The following CCSER1 variants were observed in gnomAD, a reference collection of about 807,000 sequenced individuals.
CCSER1 encodes serine-rich coiled-coil domain-containing protein 1.
A neutral mutation model predicts 82.0 loss-of-function variants in CCSER1; 41 were observed. The ratio of observed to expected loss-of-function variants is 0.50; its 90% CI spans 0.39 to 0.65. CCSER1 has a LOEUF of 0.65. Among genes scored for constraint, CCSER1 ranks in the 30% least tolerant of loss-of-function variants. The probability of loss-of-function intolerance (pLI) is 0.00; values close to 1 mark genes in which losing one functional copy is unlikely to be tolerated. For synonymous variants in CCSER1, 414 were observed against 383.9 expected (o/e 1.08, Z -0.92); for missense variants, 1,119 against 1,064.2 (o/e 1.05, Z -0.72).
Position 91,011,898 on chromosome 4 carries a change from C to G in CCSER1, c.2173-74052C>G, listed in dbSNP as rs1739032317. 2.2e-5 allele frequency among the ~76,000 whole-genome samples: 3 copies of G among 134,458 alleles called. 1 individual carries two copies. Among genetic ancestry groups the G allele is most frequent in the African/African-American group, 7.4e-5 (3 of 40,358 alleles). 88.2% of individuals were successfully genotyped at this position (134,458 alleles called of 152,430 possible). ...TGGGCCCGGGTGGTAGGGAGCAGCA[C>G]AATAATGACTTCACTCCCTCTCAGG... On this transcript the variant is annotated intron_variant, in intron 9 of 10. Transcript: ENST00000509176.
At chr4:90,652,538 TCTGA>T (rs1190913752) in intron 6 of CCSER1, among the ~76,000 whole-genome samples, 6 of 152,236 alleles carry the variant, frequency 3.9e-5, no homozygotes, top group Middle Eastern at 3.4e-3. Context: ...TTAGGGTGTC[TCTGA>T]CTATCTTTCC....
chr4:90,189,225 C>T lies in CCSER1; in HGVS notation c.-42+61394C>T, dbSNP rs144804179. On this transcript the variant is annotated intron_variant, in intron 1 of 10. Transcript: ENST00000509176. ...AAGGTACTCATAGAAGCCCGTCAGA[C>T]CAAGGATCTGTGAAATATGGTTTTG... 2.6e-4 allele frequency among the ~76,000 whole-genome samples: 40 copies of T among 152,000 alleles called. No homozygotes were observed. The East Asian group carries it at 7.0e-3, about 26-fold the overall frequency.
At chr4:90,216,930 C>A (rs1309813115) in intron 1 of CCSER1, among the ~76,000 whole-genome samples, 1 of 152,044 alleles carries the variant, frequency 6.6e-6, no homozygotes, top group Non-Finnish European at 1.5e-5. Flanking sequence ...GGGATGTTTT[C>A]CATTTGTTTT....
At chr4:90,518,609 A>T (rs1278875686) in intron 5 of CCSER1, among the ~76,000 whole-genome samples, 1 of 151,984 alleles carries the variant, frequency 6.6e-6, no homozygotes, top group Non-Finnish European at 1.5e-5. Context: ...TACAGTGACT[A>T]TAATAAGTTC....
At chr4:91,571,466 G>C (rs1402953052) in intron 10 of CCSER1, among the ~76,000 whole-genome samples, 1 of 152,156 alleles carries the variant, frequency 6.6e-6, no homozygotes, top group Non-Finnish European at 1.5e-5. Flanking sequence ...AGTTTTACAT[G>C]GCTGGGGAGG....
chr4:91,077,947 C>T (rs1427621695), intron 9 of CCSER1, among the ~76,000 whole-genome samples: 2 of 152,360 alleles, frequency 1.3e-5, no homozygotes, highest in East Asian at 1.9e-4. Flanking sequence ...GCCAGGGAAG[C>T]TCGAACTGGG....
chr4:91,084,053 C>T (rs909095504), intron 9 of CCSER1, among the ~76,000 whole-genome samples: 7 of 152,078 alleles, frequency 4.6e-5, no homozygotes, highest in African/African-American at 1.7e-4. Context: ...GCCTCAGCCT[C>T]CCGAGTAGCT....
intron 1 of CCSER1, among the ~76,000 whole-genome samples, chr4:90,154,195 C>T (rs187196170): frequency 3.0e-4 from 46 of 151,908 alleles, no homozygotes; most frequent in Admixed American, 5.9e-4. Flanking sequence ...TTTAGATATG[C>T]GGCGTAGATT....
chr4:90,563,157 G>A (rs1778981148), intron 5 of CCSER1, among the ~76,000 whole-genome samples: 1 of 151,820 alleles, frequency 6.6e-6, no homozygotes, highest in African/African-American at 2.4e-5. Flanking sequence ...CTGTAGCCAG[G>A]CTGGAGTGCA....
intron 1 of CCSER1, among the ~76,000 whole-genome samples, chr4:90,220,871 A>T (rs1742018952): frequency 6.6e-6 from 1 of 152,176 alleles, no homozygotes; most frequent in South Asian, 2.1e-4. Flanking sequence ...TAACCTCTGG[A>T]TTTTAATTTT....
At chr4:91,107,107 G>A (rs1170161875) in intron 10 of CCSER1, among the ~76,000 whole-genome samples, 1 of 152,158 alleles carries the variant, frequency 6.6e-6, no homozygotes. Context: ...GTTGTCTACA[G>A]TATTGAGTCT....
chr4:90,948,451 C>T (rs1732522090), intron 9 of CCSER1, among the ~76,000 whole-genome samples: 6 of 151,422 alleles, frequency 4.0e-5, no homozygotes, highest in South Asian at 4.2e-4. Context: ...CAATTTTTTT[C>T]GTTTATTCTT....
intron 10 of CCSER1, among the ~76,000 whole-genome samples, chr4:91,353,049 A>G (rs750712269): frequency 4.6e-5 from 7 of 152,208 alleles, no homozygotes; most frequent in East Asian, 1.9e-4. Flanking sequence ...GAAGGAATCG[A>G]TGTGAAAACC....
intron 8 of CCSER1, 112 bp from the exon 9 acceptor site, chr4:90,923,258 C>A: frequency 1.3e-6 from 1 of 768,904 alleles, no homozygotes. Flanking sequence ...AAAGCATATG[C>A]ACAGAGAAGA....
intron 9 of CCSER1, among the ~76,000 whole-genome samples, chr4:91,028,055 A>T (rs1028171326): frequency 1.3e-5 from 2 of 152,008 alleles, no homozygotes; most frequent in African/African-American, 4.8e-5. Flanking sequence ...CACACTAATG[A>T]TGTATTAGAG....
intron 5 of CCSER1, among the ~76,000 whole-genome samples, chr4:90,500,340 ATT>A (rs369132506): frequency 2.7e-5 from 4 of 145,708 alleles, no homozygotes; most frequent in Non-Finnish European, 4.6e-5. Context: ...CTTGATCCAC[ATT>A]TTTTTTTTTT....
intron 1 of CCSER1, among the ~76,000 whole-genome samples, chr4:90,204,696 G>A (rs935524329): frequency 6.6e-6 from 1 of 152,156 alleles, no homozygotes; most frequent in East Asian, 1.9e-4. Context: ...GGTTCCATGT[G>A]AAATTTAAAG....
intron 10 of CCSER1, among the ~76,000 whole-genome samples, chr4:91,217,452 T>C (rs1161189732): frequency 6.6e-6 from 1 of 152,174 alleles, no homozygotes; most frequent in Admixed American, 6.5e-5. Flanking sequence ...CCAGAGCAGC[T>C]AGATACAGAG....
chr4:91,380,232 G>A (rs897238444), intron 10 of CCSER1, among the ~76,000 whole-genome samples: 1 of 152,124 alleles, frequency 6.6e-6, no homozygotes, highest in Non-Finnish European at 1.5e-5. Context: ...TGTTGATTTG[G>A]GGTGGAGAGT....
Sources: gnomAD v4.1 joint callset for allele counts (sites outside exome capture counted in the v4.1 genomes callset) on GRCh38, gnomAD v4.1.1 for gene constraint, MANE v1.5 for transcripts, NCBI Gene and HGNC (gene_info 2026-07-23, HGNC 2026-07-21) for gene names.